The following ROBO2 variants were observed in gnomAD, a reference collection of about 807,000 sequenced individuals.
The protein encoded by ROBO2 is roundabout homolog 2.
In ROBO2, 53 loss-of-function variants were observed where a neutral mutation model predicts 160.8. That is an observed-to-expected ratio of 0.33 (90% CI 0.26 to 0.41). The LOEUF is 0.41. Ranked by LOEUF, ROBO2 falls within the 10% of genes least tolerant of loss-of-function variation. ROBO2 has a pLI of 1.00. For synonymous variants in ROBO2, 664 were observed against 611.7 expected (o/e 1.09, Z -1.26); for missense variants, 1,577 against 1,722.4 (o/e 0.92, Z 1.49).
At chr3:77,070,445 G>A (rs1251207195) in intron 1 of ROBO2, among the ~76,000 whole-genome samples, 1 of 151,854 alleles carries the variant, frequency 6.6e-6, no homozygotes, top group Non-Finnish European at 1.5e-5. Context: ...TCTATCTAAG[G>A]ACATTTTCAT....
At chr3:76,894,443 T>G (rs907476891) in intron 2 of ROBO2, among the ~76,000 whole-genome samples, 2 of 152,166 alleles carry the variant, frequency 1.3e-5, no homozygotes, top group African/African-American at 4.8e-5. Context: ...AACGACATTG[T>G]GTTGATATAT....
intron 2 of ROBO2, among the ~76,000 whole-genome samples, chr3:75,997,367 C>T (rs1460211999): frequency 6.6e-6 from 1 of 152,000 alleles, no homozygotes; most frequent in Admixed American, 6.6e-5. Context: ...CTGGGAAGCT[C>T]TTAAAAATGT....
chr3:76,990,394 T>C (rs1442245868), intron 2 of ROBO2, among the ~76,000 whole-genome samples: 1 of 152,196 alleles, frequency 6.6e-6, no homozygotes, highest in Non-Finnish European at 1.5e-5. Context: ...AATTTTTTCA[T>C]GACTCTAGTT....
intron 2 of ROBO2, among the ~76,000 whole-genome samples, chr3:76,941,652 G>C (rs114649443): frequency 6.6e-6 from 1 of 152,158 alleles, no homozygotes; most frequent in South Asian, 2.1e-4. Flanking sequence ...TACAGTCTGT[G>C]TAGTAGATAC....
In ROBO2 at chr3:76,961,476, C is replaced by T. The variant is rs183576324; in HGVS notation, c.110-136538C>T. Among the ~76,000 whole-genome samples, 103 of 152,054 alleles carry T rather than the reference C, an allele frequency of 6.8e-4. 1 individual carries two copies. The East Asian group carries it at 0.011, about 16-fold the overall frequency. ...CATAAGCTTACAAATTAACAAAGCA[C>T]GCTCATGTGTTTCTCCCCACATTAA... On this transcript the variant is annotated intron_variant, in intron 2 of 26. Coordinates refer to the ROBO2 transcript ENST00000487694.
At chr3:76,500,956 G>T (rs2080430284) in intron 2 of ROBO2, among the ~76,000 whole-genome samples, 2 of 146,214 alleles carry the variant, frequency 1.4e-5, no homozygotes, top group South Asian at 4.4e-4. Context: ...CTCCCAGGCT[G>T]TGTCATAATT....
intron 2 of ROBO2, among the ~76,000 whole-genome samples, chr3:76,665,906 A>ATTATATATATATAAT (rs2092004814): frequency 1.6e-5 from 1 of 63,228 alleles, no homozygotes; most frequent in African/African-American, 4.1e-5. Flanking sequence ...TATTATATAT[A>ATTATATATATATAAT]ATATACACAT....
chr3:75,936,722 A>G (rs1339380178), intron 1 of ROBO2, among the ~76,000 whole-genome samples: 1 of 152,100 alleles, frequency 6.6e-6, no homozygotes, highest in Non-Finnish European at 1.5e-5. Context: ...GCTACTGTGT[A>G]TCATTCAAAT....
chr3:76,739,548 G>A (rs1365484659), intron 2 of ROBO2, among the ~76,000 whole-genome samples: 1 of 151,752 alleles, frequency 6.6e-6, no homozygotes, highest in East Asian at 1.9e-4. Context: ...AGTTGGTGCA[G>A]CACACCAGCA....
chr3:76,281,434 A>T (rs892726026), intron 2 of ROBO2, among the ~76,000 whole-genome samples: 1 of 151,986 alleles, frequency 6.6e-6, no homozygotes, highest in South Asian at 2.1e-4. Context: ...TTGCAATAAC[A>T]AATTTTACTT....
chr3:76,974,480 A>G (rs1339711655), intron 2 of ROBO2, among the ~76,000 whole-genome samples: 1 of 152,196 alleles, frequency 6.6e-6, no homozygotes, highest in Non-Finnish European at 1.5e-5. Context: ...TGAGGAAAGC[A>G]ACTCGGCCAA....
At chr3:77,262,838 G>A (rs1414412082) in intron 2 of ROBO2, among the ~76,000 whole-genome samples, 1 of 152,144 alleles carries the variant, frequency 6.6e-6, no homozygotes, top group Non-Finnish European at 1.5e-5. Flanking sequence ...AGACAGCAGA[G>A]GTTGGATGGC....
At chr3:76,412,736 A>G (rs1035796995) in intron 2 of ROBO2, among the ~76,000 whole-genome samples, 11 of 152,144 alleles carry the variant, frequency 7.2e-5, no homozygotes, top group African/African-American at 2.7e-4. Context: ...TTTGCAGGAT[A>G]CTGCCTCCCT....
chr3:76,969,604 C>T (rs1021198903), intron 2 of ROBO2, among the ~76,000 whole-genome samples: 3 of 152,148 alleles, frequency 2.0e-5, no homozygotes. Context: ...TGTATATCCT[C>T]GTCTGGCCAC....
chr3:77,587,290 G>C (rs914885629), intron 16 of ROBO2, among the ~76,000 whole-genome samples: 6 of 152,042 alleles, frequency 3.9e-5, no homozygotes, highest in African/African-American at 1.4e-4. Flanking sequence ...TGCACTTTTT[G>C]TTCCTAGTTA....
intron 2 of ROBO2, among the ~76,000 whole-genome samples, chr3:76,885,585 A>G (rs2073798134): frequency 6.6e-6 from 1 of 152,216 alleles, no homozygotes; most frequent in African/African-American, 2.4e-5. Context: ...ACACACGTGT[A>G]CATGCATTGC....
chr3:76,696,915 T>C (rs796359345), intron 2 of ROBO2, among the ~76,000 whole-genome samples: 6 of 152,346 alleles, frequency 3.9e-5, no homozygotes, highest in African/African-American at 1.4e-4. Context: ...AAATGATTTT[T>C]TCTGTTTGCA....
intron 2 of ROBO2, among the ~76,000 whole-genome samples, chr3:77,474,368 C>A (rs546250842): frequency 6.6e-6 from 1 of 152,142 alleles, no homozygotes; most frequent in East Asian, 1.9e-4. Flanking sequence ...TTTTGTGAGT[C>A]GATTTTTCAG....
At chr3:77,029,479 AAATT>A (rs2063179261) in intron 2 of ROBO2, among the ~76,000 whole-genome samples, 1 of 152,230 alleles carries the variant, frequency 6.6e-6, no homozygotes. Flanking sequence ...GACGTTAAAT[AAATT>A]AACAGAGGAA....
Sources: gnomAD v4.1 joint callset for allele counts (sites outside exome capture counted in the v4.1 genomes callset) on GRCh38, gnomAD v4.1.1 for gene constraint, MANE v1.5 for transcripts, NCBI Gene and HGNC (gene_info 2026-07-23, HGNC 2026-07-21) for gene names.